The following SPTBN1 variants were observed in gnomAD, a reference collection of about 807,000 sequenced individuals.
The protein encoded by SPTBN1 is spectrin beta, non-erythrocytic 1, also known as spectrin beta chain, non-erythrocytic 1.
A neutral mutation model predicts 266.4 loss-of-function variants in SPTBN1; 32 were observed. The ratio of observed to expected loss-of-function variants is 0.12; its 90% CI spans 0.09 to 0.16. The LOEUF (loss-of-function observed/expected upper bound fraction) is 0.16. SPTBN1 is among the 10% of genes least tolerant of loss of function. The pLI is 1.00. For synonymous variants in SPTBN1, 1,336 were observed against 1,162.2 expected, an observed-to-expected ratio of 1.15 and a Z score of -3.04; for missense variants, 2,296 against 3,067.1, an observed-to-expected ratio of 0.75 and a Z score of 5.94.
chr2:54,612,065 C>T lies in SPTBN1; in HGVS notation c.301-96C>T, dbSNP rs145418200. On this transcript the variant is annotated intron_variant, in intron 3 of 35. Coordinates refer to ENST00000356805, the MANE Select transcript of SPTBN1 (RefSeq NM_003128.3). ...TAATGTTCTGCTCTGAGCGGGAGAGCATTGCATGAATGGGCACATGTGACT... is the reference window on the plus strand; with the variant it reads ...TAATGTTCTGCTCTGAGCGGGAGAGTATTGCATGAATGGGCACATGTGACT... 484 of 1,184,548 alleles carry T rather than the reference C, an allele frequency of 4.1e-4. 1 individual carries two copies. The highest frequency in any genetic ancestry group is 1.5e-3 in the East Asian group (64 of 42,030). The allele number at this position is 1,184,548 out of a possible 1,614,324, so 73.4% of individuals were successfully genotyped here.
chr2:54,545,100 A>C (rs920819569), intron 2 of SPTBN1, among the ~76,000 whole-genome samples: 2 of 152,206 alleles, frequency 1.3e-5, no homozygotes, highest in African/African-American at 4.8e-5. Context: ...TGCAAAGGAC[A>C]TGAACTCATC....
chr2:54,469,719 C>T (rs1262708309), intron 1 of SPTBN1, among the ~76,000 whole-genome samples: 1 of 152,170 alleles, frequency 6.6e-6, no homozygotes, highest in East Asian at 1.9e-4. Context: ...TGGCCTTAGC[C>T]AGTCCTCTGA....
chr2:54,607,644 A>C (rs899997900), intron 3 of SPTBN1, among the ~76,000 whole-genome samples: 1 of 152,190 alleles, frequency 6.6e-6, no homozygotes, highest in African/African-American at 2.4e-5. Flanking sequence ...ATTAATTTTT[A>C]AAGTAGATGG....
chr2:54,530,160 A>G (rs932438671), intron 2 of SPTBN1, among the ~76,000 whole-genome samples: 4 of 152,090 alleles, frequency 2.6e-5, no homozygotes, highest in Admixed American at 2.6e-4. Flanking sequence ...GATCTGCAAA[A>G]CATGTAGGAA....
chr2:54,660,741 A>C, intron 32 of SPTBN1: 1 of 985,454 alleles, frequency 1.0e-6, no homozygotes, highest in Non-Finnish European at 1.2e-6. Context: ...TCCTGAATTG[A>C]AAACTGTAGG....
chr2:54,647,288 C>T (rs1019690779), intron 24 of SPTBN1, 27 bp downstream of exon 24: 6 of 1,610,788 alleles, frequency 3.7e-6, no homozygotes, highest in Non-Finnish European at 4.2e-6. Flanking sequence ...GAGTGTGAGA[C>T]CCGGCTCTCG....
rs114886430 is a variant in SPTBN1 at position 54,494,249 on chromosome 2, G to T, written c.-47-32123G>T. On this transcript the variant is annotated intron_variant, in intron 1 of 35. Coordinates refer to ENST00000356805, the MANE Select transcript of SPTBN1 (RefSeq NM_003128.3). ...GTGACTCATCATCCCTTTTAAAAAG[G>T]ACTTATCTTTTAAGAGGATATTCCT... 6.5e-3 allele frequency among the ~76,000 whole-genome samples: 982 copies of T among 152,208 alleles called. 13 individuals are homozygous for T. The highest frequency in any genetic ancestry group is 0.023 in the African/African-American group (954 of 41,536).
In SPTBN1 at chr2:54,664,555, A is replaced by G; in HGVS notation, c.6523A>G (p.Lys2175Glu). The G allele has an allele frequency of 6.2e-7, 1 of 1,614,148 alleles. No individual in the cohort carries two copies. The highest frequency in any genetic ancestry group is 8.5e-7 in the Non-Finnish European group (1 of 1,180,038). ...CATCCCCTCCCCGACCTCTGATCGT[A>G]AAGCCAAGACTGCCCTCCCAGCCCA... Reference protein sequence around the residue: ...SPIPSPTSDRKAKTALPAQSA... With the variant: ...SPIPSPTSDREAKTALPAQSA... Residue 2175 changes from lysine to glutamate, a missense_variant, in exon 33 of 36, where the codon AAA becomes GAA. Coordinates refer to ENST00000356805, the MANE Select transcript of SPTBN1 (RefSeq NM_003128.3). The surrounding 1 kb of genome is among the most constrained non-coding windows in gnomAD (Gnocchi z 5.6).
intron 2 of SPTBN1, among the ~76,000 whole-genome samples, chr2:54,564,657 G>C (rs955927933): frequency 1.3e-5 from 2 of 152,198 alleles, no homozygotes; most frequent in African/African-American, 2.4e-5. Context: ...TTCTTCTGCA[G>C]GGAATCATTT....
At position 54,488,761 on chromosome 2, in the gene SPTBN1, CAG is replaced by C. The variant is rs568360176; in HGVS notation, c.-48+32245_-48+32246del. ...CATTTTGTGTAGGGAAAAAAAATAA[CAG>C]AATTTTTCACACTCTTCTGTGAATT... is the stretch of plus-strand genomic sequence containing the variant. On this transcript the variant is annotated intron_variant, in intron 1 of 35. Coordinates refer to ENST00000356805, the MANE Select transcript of SPTBN1 (RefSeq NM_003128.3). Among the ~76,000 whole-genome samples, 43 of 151,788 alleles carry C rather than the reference CAG, an allele frequency of 2.8e-4. No individual in the cohort carries two copies. The South Asian group carries it at 9.0e-3, about 32-fold the overall frequency.
intron 2 of SPTBN1, among the ~76,000 whole-genome samples, chr2:54,550,891 G>A (rs904527636): frequency 2.0e-5 from 3 of 152,174 alleles, no homozygotes; most frequent in Non-Finnish European, 4.4e-5. Context: ...TGTCAGATGA[G>A]TTGACTTGGG....
chr2:54,550,278 G>C (rs974476140), intron 2 of SPTBN1, among the ~76,000 whole-genome samples: 2 of 152,206 alleles, frequency 1.3e-5, no homozygotes, highest in African/African-American at 4.8e-5. Context: ...TTCAGGGGCT[G>C]TGCCCAGCGA....
At position 54,653,889 on chromosome 2, in the gene SPTBN1, GGC is replaced by G; in HGVS notation, c.5822+39_5822+40del. On this transcript the variant is annotated intron_variant, in intron 27 of 35. Transcript: ENST00000356805. The surrounding 1 kb of genome is among the most constrained non-coding windows in gnomAD (Gnocchi z 5.1). ...CAGCCCAAAGGAAATTGGACTTATT[GGC>G]GCTTGGTTAAAACACAGGAGTCTTC... The G allele has an allele frequency of 6.3e-7, 1 of 1,594,854 alleles. No homozygotes were observed. Among genetic ancestry groups the G allele is most frequent in the South Asian group, 1.1e-5 (1 of 87,660 alleles).
chr2:54,635,095 G>A (rs568800744), intron 17 of SPTBN1, among the ~76,000 whole-genome samples: 10 of 152,302 alleles, frequency 6.6e-5, no homozygotes, highest in East Asian at 1.9e-4. Flanking sequence ...CAGAACACCC[G>A]CATCTGCTTC....
intron 2 of SPTBN1, among the ~76,000 whole-genome samples, chr2:54,576,055 C>CGTTTTTTTTTTTTTTTTTT (rs1674442617): frequency 5.3e-5 from 1 of 18,734 alleles, no homozygotes; most frequent in Admixed American, 5.4e-4. Flanking sequence ...TCAGATCCAG[C>CGTTTTTTTTTTTTTTTTTT]TTTTTTTTTT....
At chr2:54,622,526 GAC>G in intron 9 of SPTBN1, 39 bp downstream of exon 9, 1 of 1,599,294 alleles carries the variant, frequency 6.3e-7, no homozygotes, top group Non-Finnish European at 8.5e-7. Context: ...AATATGGAAA[GAC>G]ACATCACTGT....
intron 1 of SPTBN1, among the ~76,000 whole-genome samples, chr2:54,520,079 G>A (rs773726629): frequency 6.6e-6 from 1 of 152,216 alleles, no homozygotes; most frequent in African/African-American, 2.4e-5. Context: ...AGCAAAGACA[G>A]AGAAGTGGAT....
intron 7 of SPTBN1, among the ~76,000 whole-genome samples, chr2:54,620,267 A>G (rs1258903166): frequency 6.6e-6 from 1 of 152,208 alleles, no homozygotes; most frequent in African/African-American, 2.4e-5. Context: ...AAAGTGGACT[A>G]TGTGTCCATA....
intron 32 of SPTBN1, 163 bp downstream of exon 32, chr2:54,660,162 A>T (rs1680943781): frequency 7.2e-6 from 11 of 1,523,022 alleles, no homozygotes; most frequent in Non-Finnish European, 9.7e-6. Context: ...ACTTCACCCA[A>T]AATGTTAAAA....
Sources: allele counts gnomAD v4.1 joint callset (sites outside exome capture counted in the v4.1 genomes callset), GRCh38; gene constraint gnomAD v4.1.1; non-coding constraint Gnocchi (gnomAD v3.1); transcripts MANE v1.5; gene names NCBI Gene and HGNC (gene_info 2026-07-23, HGNC 2026-07-21).